DRC9: variants seen among roughly 807,000 people sequenced by gnomAD.
The protein encoded by DRC9 is dynein regulatory complex protein 9.
chr3:197,932,024 C>T, the DRC9 span: 2 of 686,080 alleles, frequency 2.9e-6, no homozygotes, highest in Non-Finnish European at 4.9e-6. Context: ...ATTGTCCCAG[C>T]AGAACTAGGA....
the DRC9 span, among the ~76,000 whole-genome samples, chr3:197,894,030 C>G: frequency 1.3e-5 from 2 of 152,034 alleles, no homozygotes; most frequent in African/African-American, 4.8e-5. Flanking sequence ...GGAAGAGAAC[C>G]AGTAAAACAT....
the DRC9 span, among the ~76,000 whole-genome samples, chr3:197,917,291 T>C: frequency 6.6e-6 from 1 of 152,216 alleles, no homozygotes; most frequent in Non-Finnish European, 1.5e-5. Flanking sequence ...CACTTTAGCC[T>C]GGGCAACAGA....
At chr3:197,940,296 T>C in the DRC9 span, among the ~76,000 whole-genome samples, 2 of 139,646 alleles carry the variant, frequency 1.4e-5, 1 homozygote, top group East Asian at 3.9e-4. Flanking sequence ...GTGCCTGGCC[T>C]CTAAAAATTT....
At chr3:197,914,155 ATT>A in the DRC9 span, 1 of 882,232 alleles carries the variant, frequency 1.1e-6, no homozygotes, top group Middle Eastern at 2.3e-4. Context: ...AACTGGAACT[ATT>A]TTTCCGCTGT....
At chr3:197,897,006 G>GT in the DRC9 span, among the ~76,000 whole-genome samples, 2 of 152,118 alleles carry the variant, frequency 1.3e-5, no homozygotes, top group African/African-American at 4.8e-5. Flanking sequence ...GTCAGATGGT[G>GT]TTTTTGTAAA....
the DRC9 span, among the ~76,000 whole-genome samples, chr3:197,910,290 ACCCTGT>A: frequency 6.6e-6 from 1 of 152,056 alleles, no homozygotes; most frequent in African/African-American, 2.4e-5. Flanking sequence ...ACAGAGAGAG[ACCCTGT>A]CCCTAAAAAA....
At chr3:197,959,974 A>G in the DRC9 span, 4 of 548,040 alleles carry the variant, frequency 7.3e-6, no homozygotes, top group Admixed American at 6.5e-5. Flanking sequence ...AGACACCCAC[A>G]TACGGCCAAC....
chr3:197,902,723 G>A, the DRC9 span, among the ~76,000 whole-genome samples: 2 of 152,042 alleles, frequency 1.3e-5, no homozygotes, highest in Non-Finnish European at 2.9e-5. Context: ...TTCATGGATT[G>A]GAAGAATCAA....
chr3:197,901,128 C>T, the DRC9 span, among the ~76,000 whole-genome samples: 1 of 152,234 alleles, frequency 6.6e-6, no homozygotes, highest in Non-Finnish European at 1.5e-5. The surrounding 1 kb of genome is among the most constrained non-coding windows in gnomAD (Gnocchi z 4.4). Context: ...CTCTTGGAGT[C>T]CCCAGTTCAG....
At chr3:197,942,883 A>G in the DRC9 span, among the ~76,000 whole-genome samples, 5 of 151,392 alleles carry the variant, frequency 3.3e-5, no homozygotes, top group Non-Finnish European at 7.4e-5. Context: ...ACAAGAGCGA[A>G]ACTCCATCTC....
chr3:197,932,124 T>C, the DRC9 span: 1 of 1,581,904 alleles, frequency 6.3e-7, no homozygotes, highest in Non-Finnish European at 8.6e-7. Flanking sequence ...GTAAGAGTGT[T>C]TTAGCACTTT....
the DRC9 span, among the ~76,000 whole-genome samples, chr3:197,941,557 C>CCCTT: frequency 5.2e-4 from 36 of 69,580 alleles, 1 homozygote; most frequent in South Asian, 2.7e-3. Flanking sequence ...CTCCCTCCCT[C>CCCTT]CCTTCCTTCT....
the DRC9 span, among the ~76,000 whole-genome samples, chr3:197,909,918 A>T: frequency 6.6e-6 from 1 of 152,168 alleles, no homozygotes; most frequent in Non-Finnish European, 1.5e-5. Flanking sequence ...TTGAACCTGG[A>T]GGCAGAGGTT....
the DRC9 span, chr3:197,954,167 A>T: frequency 3.1e-6 from 5 of 1,613,850 alleles, no homozygotes; most frequent in Non-Finnish European, 4.2e-6. Context: ...GTTTTTAGCA[A>T]AATGGACGTC....
At chr3:197,933,067 C>CAT in the DRC9 span, among the ~76,000 whole-genome samples, 3,859 of 78,052 alleles carry the variant, frequency 0.049, 251 homozygotes, top group African/African-American at 0.3. Context: ...ATATATTATA[C>CAT]ATATATATAT....
chr3:197,946,261 C>T, the DRC9 span, among the ~76,000 whole-genome samples: 1 of 151,780 alleles, frequency 6.6e-6, no homozygotes, highest in Non-Finnish European at 1.5e-5. Flanking sequence ...CGGTGAAACC[C>T]CGTCTCTACT....
At chr3:197,947,927 CCTTT>C in the DRC9 span, among the ~76,000 whole-genome samples, 11 of 143,906 alleles carry the variant, frequency 7.6e-5, no homozygotes, top group Non-Finnish European at 1.2e-4. Context: ...TCCTGCTTTA[CCTTT>C]TTTTTTTTTT....
the DRC9 span, among the ~76,000 whole-genome samples, chr3:197,926,445 C>G: frequency 6.6e-6 from 1 of 152,156 alleles, no homozygotes; most frequent in Non-Finnish European, 1.5e-5. Flanking sequence ...AAAGAAGAAT[C>G]CTTTCTACTT....
chr3:197,893,856 A>C, the DRC9 span, among the ~76,000 whole-genome samples: 2 of 152,186 alleles, frequency 1.3e-5, no homozygotes, highest in Admixed American at 6.5e-5. Context: ...TCAAAAAAAA[A>C]GAAAAAGAAA....
Sources: allele counts gnomAD v4.1 joint callset (sites outside exome capture counted in the v4.1 genomes callset), GRCh38; gene constraint gnomAD v4.1.1; non-coding constraint Gnocchi (gnomAD v3.1); transcripts MANE v1.5; gene names NCBI Gene and HGNC (gene_info 2026-07-23, HGNC 2026-07-21).